Variants in SLC39A6 observed in about 807,000 individuals in gnomAD.
SLC39A6 encodes solute carrier family 39 member 6.
SLC39A6 carries 51 observed loss-of-function variants against 63.5 expected under a neutral mutation model. The observed-to-expected ratio is 0.80, with a 90% CI of 0.64 to 1.01. The LOEUF is 1.01. Among genes scored for constraint, SLC39A6 ranks in the 50% least tolerant of loss-of-function variants. The probability of loss-of-function intolerance (pLI) is 0.00; values close to 1 mark genes in which losing one functional copy is unlikely to be tolerated. For synonymous variants in SLC39A6, 318 were observed against 324.7 expected (o/e 0.98, Z 0.22); for missense variants, 805 against 927.8 (o/e 0.87, Z 1.72).
chr18:36,109,843 T>C (rs2089287239), intron 9 of SLC39A6, 98 bp from the exon 10 acceptor site: 3 of 898,102 alleles, frequency 3.3e-6, no homozygotes, highest in African/African-American at 3.4e-5. Flanking sequence ...ACTAGCTTTA[T>C]TTGTAGCTAG....
rs147045989 is a variant in SLC39A6 at position 36,121,015 on chromosome 18, T to A, written c.1359+1037A>T. 4.3e-3 allele frequency among the ~76,000 whole-genome samples: 653 copies of A among 151,716 alleles called. 7 individuals are homozygous for A. The highest frequency in any genetic ancestry group is 0.015 in the African/African-American group (609 of 41,424). On this transcript the variant is annotated intron_variant, in intron 5 of 9. Transcript: ENST00000269187. ...ATCATAGATGAAGCAGCATGGCTGA[T>A]AAAGAAAAAAAGAAACGATACAGAA...
At chr18:36,117,905 C>T (rs1338847298) in intron 5 of SLC39A6, among the ~76,000 whole-genome samples, 3 of 151,998 alleles carry the variant, frequency 2.0e-5, no homozygotes, top group Non-Finnish European at 4.4e-5. Flanking sequence ...TTGGCGGGTG[C>T]CTGTAGTCCC....
At chr18:36,121,988 A>C in intron 5 of SLC39A6, 64 bp downstream of exon 5, 1 of 1,167,668 alleles carries the variant, frequency 8.6e-7, no homozygotes, top group South Asian at 1.3e-5. Flanking sequence ...CTAACAATCT[A>C]GTTAGAGTAC....
chr18:36,115,758 C>T (rs958379963), intron 6 of SLC39A6, among the ~76,000 whole-genome samples: 7 of 152,172 alleles, frequency 4.6e-5, no homozygotes, highest in South Asian at 4.1e-4. Flanking sequence ...GTGGGCTCAG[C>T]GGGACCTTGA....
chr18:36,111,247 C>A lies in SLC39A6; in HGVS notation c.1927G>T (p.Asp643Tyr). Residue 643 changes from aspartate (D) to tyrosine (Y), a missense_variant and splice_region_variant, in exon 9 of 10, where the codon GAC becomes TAC. Physicochemically the swap from Asp to Tyr is radical, Grantham distance 160 (BLOSUM62 -3). Transcript: ENST00000269187. ...CCAGCCTTTAGTAGAACAGCAAAGT[C>A]ACCTTTAACAGAAAACAAAAAAGGA... is the stretch of plus-strand genomic sequence containing the variant. ...FCHELPHELG[D>Y]FAVLLKAGMT... The A allele has an allele frequency of 6.2e-7, 1 of 1,613,288 alleles. No individual in the cohort carries two copies. Among genetic ancestry groups the A allele is most frequent in the South Asian group, 1.1e-5 (1 of 90,862 alleles).
chr18:36,122,677 T>C (rs994811656), intron 4 of SLC39A6, among the ~76,000 whole-genome samples: 3 of 152,252 alleles, frequency 2.0e-5, no homozygotes, highest in African/African-American at 7.2e-5. Context: ...GGTCCTGGCA[T>C]GTACCCGAGA....
chr18:36,120,951 G>A (rs8092264), intron 5 of SLC39A6, among the ~76,000 whole-genome samples: 70,541 of 151,908 alleles, frequency 0.46, 16,874 homozygotes, highest in East Asian at 0.64. Flanking sequence ...CTTTAAGTGT[G>A]TAATCTCTTG....
At chr18:36,127,215 T>G (rs1240942219) in intron 1 of SLC39A6, among the ~76,000 whole-genome samples, 199 bp from the exon 2 acceptor site, 1 of 152,164 alleles carries the variant, frequency 6.6e-6, no homozygotes, top group Non-Finnish European at 1.5e-5. Context: ...CTAAAACACA[T>G]GAAACAACTG....
At chr18:36,127,061 AAATTG>A in intron 1 of SLC39A6, 45 bp from the exon 2 acceptor site, 6 of 1,485,828 alleles carry the variant, frequency 4.0e-6, no homozygotes, top group Non-Finnish European at 4.5e-6. Flanking sequence ...CTTCTAAAAC[AAATTG>A]AATTAAGAAA....
intron 2 of SLC39A6, among the ~76,000 whole-genome samples, chr18:36,126,001 C>T (rs561992097): frequency 5.3e-5 from 8 of 152,354 alleles, no homozygotes; most frequent in South Asian, 4.1e-4. Context: ...GGCAGCACTA[C>T]GCTCACCAAA....
intron 5 of SLC39A6, among the ~76,000 whole-genome samples, chr18:36,118,336 C>T (rs1359083979): frequency 2.0e-5 from 3 of 152,176 alleles, no homozygotes; most frequent in Non-Finnish European, 4.4e-5. Flanking sequence ...GAGGGTTTTA[C>T]ACAGGTAATG....
chr18:36,111,207 T>G lies in SLC39A6; in HGVS notation c.1967A>C (p.Gln656Pro). ...TGACAATGCATTATAAAGGACAGCC[T>G]GCTTAACGGTCATGCCAGCCTTTAG... ...VLLKAGMTVKQAVLYNALSAM... is the reference protein window; with the variant it reads ...VLLKAGMTVKPAVLYNALSAM... Residue 656 changes from glutamine (Q) to proline (P), a missense_variant, in exon 9 of 10, where the codon CAG becomes CCG. Transcript: ENST00000269187. 6.2e-7 allele frequency: 1 copy of G among 1,614,138 alleles called. No homozygotes were observed. The highest frequency in any genetic ancestry group is 8.5e-7 in the Non-Finnish European group (1 of 1,179,948).
chr18:36,109,742 G>A lies in SLC39A6; in HGVS notation c.2119C>T (p.Pro707Ser). 1 of 1,590,852 alleles carries A rather than the reference G, an allele frequency of 6.3e-7. No individual in the cohort carries two copies. Among genetic ancestry groups the A allele is most frequent in the Non-Finnish European group, 8.5e-7 (1 of 1,173,282 alleles). ...CTAGCATCATTGTGCAGCATTTCAG[G>A]TACCTTTAAAAAAAAGTAAGGGAAA... ...FMYVALVDMV[P>S]EMLHNDASDH... The change falls in exon 10 of 10, where the codon CCT becomes TCT. Residue 707 changes from proline to serine, a missense_variant. Pro to Ser is a moderately conservative substitution (Grantham distance 74). This residue lies in a region of SLC39A6 where 145 missense variants were observed against 227.2 expected (regional missense o/e 0.64). Transcript: ENST00000269187.
chr18:36,113,036 C>A (rs2089313219), intron 7 of SLC39A6, among the ~76,000 whole-genome samples: 1 of 152,060 alleles, frequency 6.6e-6, no homozygotes, highest in Non-Finnish European at 1.5e-5. Flanking sequence ...AAATAGCCGT[C>A]CCCTTTTAAA....
At chr18:36,126,003 C>T (rs2089433992) in intron 2 of SLC39A6, among the ~76,000 whole-genome samples, 1 of 152,244 alleles carries the variant, frequency 6.6e-6, no homozygotes, top group Non-Finnish European at 1.5e-5. Context: ...CAGCACTACG[C>T]TCACCAAAAG....
At chr18:36,128,651 G>A (rs534983151) in intron 1 of SLC39A6, among the ~76,000 whole-genome samples, 1 of 152,270 alleles carries the variant, frequency 6.6e-6, no homozygotes, top group African/African-American at 2.4e-5. Context: ...GGACAGCTCC[G>A]AGCCTTTCTC....
At chr18:36,111,401 T>A in intron 8 of SLC39A6, 152 bp from the exon 9 acceptor site, 1 of 661,906 alleles carries the variant, frequency 1.5e-6, no homozygotes, top group Admixed American at 3.1e-5. Context: ...GTTAAAGCAG[T>A]GTTAGTAAAT....
At chr18:36,111,015 T>G (rs981464901) in intron 9 of SLC39A6, 44 bp downstream of exon 9, 1 of 1,606,356 alleles carries the variant, frequency 6.2e-7, no homozygotes. Flanking sequence ...TTTTCTCTAT[T>G]TTATTGTTGG....
At chr18:36,118,662 GA>G (rs1398143743) in intron 5 of SLC39A6, among the ~76,000 whole-genome samples, 1 of 152,212 alleles carries the variant, frequency 6.6e-6, no homozygotes, top group Non-Finnish European at 1.5e-5. Context: ...TCAGACAATA[GA>G]ACTCTGTTGA....
Sources: gnomAD v4.1 joint callset for allele counts (sites outside exome capture counted in the v4.1 genomes callset) on GRCh38, gnomAD v4.1.1 for gene constraint, gnomAD v4.1.1 regional missense constraint, MANE v1.5 for transcripts, NCBI Gene and HGNC (gene_info 2026-07-23, HGNC 2026-07-21) for gene names.